POU6F2: variants seen among roughly 807,000 people sequenced by gnomAD.
The protein encoded by POU6F2 is POU class 6 homeobox 2, also known as POU domain, class 6, transcription factor 2.
In POU6F2, 31 loss-of-function variants were observed where a neutral mutation model predicts 71.3. The observed-to-expected ratio is 0.43, with a 90% CI of 0.33 to 0.59. POU6F2 has a LOEUF of 0.59. Among genes scored for constraint, POU6F2 ranks in the 20% least tolerant of loss-of-function variants. The probability of loss-of-function intolerance (pLI) is 0.04; values close to 1 mark genes in which losing one functional copy is unlikely to be tolerated. For synonymous variants in POU6F2, 347 were observed against 355.7 expected (o/e 0.98, Z 0.27); for missense variants, 783 against 856.8 (o/e 0.91, Z 1.07).
rs116730186 is a variant in POU6F2 at position 39,081,266 on chromosome 7, T to C, written c.106-4594T>C. ...TTAGTATTATAGAATCATTAAAAAT[T>C]AGTGCAGTAATTTACAGATAATCGA... On this transcript the variant is annotated intron_variant, in intron 1 of 9. Coordinates refer to ENST00000518318, the MANE Select transcript of POU6F2 (RefSeq NM_001370959.1). 6.0e-3 allele frequency among the ~76,000 whole-genome samples: 908 copies of C among 152,302 alleles called. 11 individuals carry two copies. The highest frequency in any genetic ancestry group is 0.02 in the African/African-American group (820 of 41,568).
At chr7:39,340,341 T>C (rs1051254242) in intron 5 of POU6F2, among the ~76,000 whole-genome samples, 15 of 152,224 alleles carry the variant, frequency 9.9e-5, no homozygotes, top group African/African-American at 3.6e-4. Context: ...GCAGCAAAGA[T>C]AGCATCCAAT....
chr7:39,233,313 A>C (rs1397387207), intron 4 of POU6F2, among the ~76,000 whole-genome samples: 1 of 152,326 alleles, frequency 6.6e-6, no homozygotes, highest in Admixed American at 6.5e-5. Context: ...AAAAAAAAAA[A>C]AAAATTCTGC....
intron 5 of POU6F2, among the ~76,000 whole-genome samples, chr7:39,390,443 C>A (rs896292721): frequency 2.6e-5 from 4 of 152,268 alleles, no homozygotes; most frequent in South Asian, 2.1e-4. Context: ...AATGGTAAGG[C>A]AAGGCAGATG....
At chr7:39,118,458 G>A (rs1433764793) in intron 2 of POU6F2, among the ~76,000 whole-genome samples, 1 of 152,056 alleles carries the variant, frequency 6.6e-6, no homozygotes, top group Non-Finnish European at 1.5e-5. Context: ...CAATTGTGCA[G>A]CAGGAAAAGG....
intron 5 of POU6F2, among the ~76,000 whole-genome samples, chr7:39,397,189 G>A (rs986835121): frequency 2.0e-5 from 3 of 152,020 alleles, no homozygotes; most frequent in African/African-American, 7.2e-5. Flanking sequence ...GAGGAGGGCT[G>A]CATTTGTTGG....
At chr7:39,248,583 TG>T (rs1783860590) in intron 4 of POU6F2, among the ~76,000 whole-genome samples, 1 of 152,200 alleles carries the variant, frequency 6.6e-6, no homozygotes, top group South Asian at 2.1e-4. Context: ...TGTGCATGCA[TG>T]GATAAAATTC....
At chr7:39,238,364 G>A (rs1794712891) in intron 4 of POU6F2, among the ~76,000 whole-genome samples, 1 of 152,094 alleles carries the variant, frequency 6.6e-6, no homozygotes, top group Non-Finnish European at 1.5e-5. Context: ...AGAAAGCAAA[G>A]TCATCAACTA....
At chr7:39,182,200 T>C (rs1359225820) in intron 2 of POU6F2, among the ~76,000 whole-genome samples, 5 of 152,256 alleles carry the variant, frequency 3.3e-5, no homozygotes, top group Non-Finnish European at 5.9e-5. Context: ...ATCCTTAATA[T>C]GTGCTAAGCA....
chr7:39,215,584 A>G (rs1404383105), intron 4 of POU6F2, among the ~76,000 whole-genome samples: 2 of 152,168 alleles, frequency 1.3e-5, no homozygotes, highest in African/African-American at 4.8e-5. Flanking sequence ...TATTTACTGA[A>G]CTTTCAAAGC....
chr7:39,422,026 G>C (rs1281246301), intron 6 of POU6F2, among the ~76,000 whole-genome samples: 1 of 152,180 alleles, frequency 6.6e-6, no homozygotes, highest in African/African-American at 2.4e-5. Context: ...CTTCACCACA[G>C]TTGTGCTTCT....
At chr7:39,017,853 AT>A (rs1029394831) in intron 1 of POU6F2, among the ~76,000 whole-genome samples, 28 of 135,422 alleles carry the variant, frequency 2.1e-4, no homozygotes, top group African/African-American at 7.1e-4. Flanking sequence ...ATTTGAGTGG[AT>A]TTTTTTCAGA....
chr7:39,105,670 G>T (rs1044471472), intron 2 of POU6F2, among the ~76,000 whole-genome samples: 6 of 152,144 alleles, frequency 3.9e-5, no homozygotes, highest in Admixed American at 2.0e-4. Context: ...ATTATCTGTA[G>T]TTATTCTAAG....
rs543136552 is a variant in POU6F2 at position 39,054,854 on chromosome 7, G to A, written c.106-31006G>A. Among the ~76,000 whole-genome samples the A allele has an allele frequency of 4.0e-5, 6 of 151,562 alleles. No homozygotes were observed. The South Asian group carries it at 6.3e-4, about 16-fold the overall frequency. On this transcript the variant is annotated intron_variant, in intron 1 of 9. Coordinates refer to ENST00000518318, the MANE Select transcript of POU6F2 (RefSeq NM_001370959.1). ...ACACTTATTCAATGAGTATGAATAC[G>A]TGTGTGAGCACATGAAAAAAGCTGC...
chr7:39,346,373 G>A (rs1275140071), intron 5 of POU6F2, among the ~76,000 whole-genome samples: 2 of 152,216 alleles, frequency 1.3e-5, no homozygotes, highest in Non-Finnish European at 2.9e-5. Flanking sequence ...CTCACGTCAA[G>A]TAGCGATAGA....
chr7:39,061,367 A>G (rs1476495604), intron 1 of POU6F2, among the ~76,000 whole-genome samples: 1 of 152,222 alleles, frequency 6.6e-6, no homozygotes, highest in Non-Finnish European at 1.5e-5. Flanking sequence ...TCTTTGATAC[A>G]GTATCAAAAT....
intron 1 of POU6F2, among the ~76,000 whole-genome samples, chr7:39,050,332 G>C: frequency 6.6e-6 from 1 of 152,006 alleles, no homozygotes; most frequent in East Asian, 1.9e-4. Flanking sequence ...GAGTTGATGG[G>C]TCTCTATGTG....
chr7:39,317,990 C>T (rs554255825), intron 4 of POU6F2, among the ~76,000 whole-genome samples: 2 of 152,278 alleles, frequency 1.3e-5, no homozygotes, highest in Admixed American at 6.5e-5. Context: ...TCCCTTTCTT[C>T]GCAGCCTGAC....
chr7:38,992,127 G>A (rs1378270041), intron 1 of POU6F2, among the ~76,000 whole-genome samples: 1 of 152,060 alleles, frequency 6.6e-6, no homozygotes, highest in African/African-American at 2.4e-5. Flanking sequence ...GAGCTCAGTG[G>A]GCACTATGGA....
At chr7:39,463,435 G>A (rs1240176440) in intron 9 of POU6F2, among the ~76,000 whole-genome samples, 1 of 152,182 alleles carries the variant, frequency 6.6e-6, no homozygotes, top group Non-Finnish European at 1.5e-5. Context: ...TGGAAGGCAG[G>A]AGGTGGCCTT....
Sources: allele counts gnomAD v4.1 joint callset (sites outside exome capture counted in the v4.1 genomes callset), GRCh38; gene constraint gnomAD v4.1.1; transcripts MANE v1.5; gene names NCBI Gene and HGNC (gene_info 2026-07-23, HGNC 2026-07-21).